Variants in CNTNAP2 observed in about 807,000 individuals in gnomAD.
CNTNAP2 encodes the protein contactin-associated protein-like 2.
In CNTNAP2, 98 loss-of-function variants were observed where a neutral mutation model predicts 155.2. The observed-to-expected ratio is 0.63, with a 90% CI of 0.54 to 0.75. The LOEUF is 0.75. Ranked by LOEUF, CNTNAP2 falls within the 30% of genes least tolerant of loss-of-function variation. The pLI is 0.00. For missense variants in CNTNAP2, 1,727 were observed against 1,688.1 expected, an observed-to-expected ratio of 1.02 and a Z score of -0.40; for synonymous variants, 651 against 631.2, an observed-to-expected ratio of 1.03 and a Z score of -0.47.
chr7:146,516,280 C>A (rs1396776523), intron 1 of CNTNAP2, among the ~76,000 whole-genome samples: 2 of 151,960 alleles, frequency 1.3e-5, no homozygotes, highest in Non-Finnish European at 1.5e-5. Context: ...TGTGTACAAC[C>A]ATTGTAAGAA....
At chr7:147,216,011 T>G (rs570248803) in intron 8 of CNTNAP2, among the ~76,000 whole-genome samples, 1 of 152,282 alleles carries the variant, frequency 6.6e-6, no homozygotes, top group African/African-American at 2.4e-5. Flanking sequence ...TTAAGGGTTT[T>G]GGTCCATTTT....
chr7:146,422,735 C>T (rs1265647948), intron 1 of CNTNAP2, among the ~76,000 whole-genome samples: 4 of 152,060 alleles, frequency 2.6e-5, no homozygotes, highest in African/African-American at 9.7e-5. Flanking sequence ...AATCTGCCTG[C>T]CTTGGAATCC....
chr7:146,244,439 G>T (rs915066413), intron 1 of CNTNAP2, among the ~76,000 whole-genome samples: 22 of 152,080 alleles, frequency 1.4e-4, no homozygotes, highest in African/African-American at 5.1e-4. Context: ...ATGAGACTGG[G>T]GCCTAATAAA....
intron 1 of CNTNAP2, among the ~76,000 whole-genome samples, chr7:146,166,860 G>A (rs1292604525): frequency 3.3e-5 from 5 of 152,180 alleles, no homozygotes; most frequent in Admixed American, 6.5e-5. Flanking sequence ...GGGCTCTGAA[G>A]GCATAAGCCA....
At chr7:147,127,258 C>A (rs1003797106) in intron 6 of CNTNAP2, among the ~76,000 whole-genome samples, 4 of 152,010 alleles carry the variant, frequency 2.6e-5, no homozygotes, top group African/African-American at 9.7e-5. Flanking sequence ...TTTTCTGATT[C>A]TTTGGGATAT....
At chr7:147,355,002 C>T (rs1355995689) in intron 9 of CNTNAP2, among the ~76,000 whole-genome samples, 1 of 152,040 alleles carries the variant, frequency 6.6e-6, no homozygotes, top group Non-Finnish European at 1.5e-5. Flanking sequence ...TGACACTTTT[C>T]TGAAGTTGCT....
intron 1 of CNTNAP2, among the ~76,000 whole-genome samples, chr7:146,642,090 CTT>C (rs142371455): frequency 0.03 from 4,531 of 151,908 alleles, 238 homozygotes; most frequent in African/African-American, 0.1. Flanking sequence ...CTTATCATAA[CTT>C]ATTTAAAAGA....
rs559212909 is a variant in CNTNAP2, at chr7:146,246,312, C to T, written c.97+129339C>T. Reference sequence around the variant, plus strand: ...GCAGCAATGAGATGTAGCTGTAATCCAGGAATAGTCAGGGAAGCAGACAAT... The same window carrying T: ...GCAGCAATGAGATGTAGCTGTAATCTAGGAATAGTCAGGGAAGCAGACAAT... On this transcript the variant is annotated intron_variant, in intron 1 of 23. Transcript: ENST00000361727. Among the ~76,000 whole-genome samples, 94 of 150,630 alleles carry T rather than the reference C, an allele frequency of 6.2e-4. No individual in the cohort carries two copies. In the East Asian group the frequency reaches 7.6e-3, roughly 12 times the overall value.
chr7:148,065,739 C>T (rs1803245116), intron 15 of CNTNAP2, among the ~76,000 whole-genome samples: 1 of 152,162 alleles, frequency 6.6e-6, no homozygotes, highest in Non-Finnish European at 1.5e-5. Flanking sequence ...ATCCATTCTG[C>T]AATTCTGTGT....
intron 13 of CNTNAP2, among the ~76,000 whole-genome samples, chr7:147,815,779 C>T (rs76937485): frequency 0.032 from 4,862 of 152,270 alleles, 130 homozygotes; most frequent in Non-Finnish European, 0.051. Context: ...TTCAAGGGTT[C>T]AATCCACGAA....
At chr7:147,719,363 C>A (rs1796530500) in intron 13 of CNTNAP2, among the ~76,000 whole-genome samples, 1 of 152,078 alleles carries the variant, frequency 6.6e-6, no homozygotes, top group South Asian at 2.1e-4. Flanking sequence ...ACTGATTGAA[C>A]AAATTAAAGG....
intron 3 of CNTNAP2, among the ~76,000 whole-genome samples, chr7:146,937,135 C>G (rs2129224607): frequency 6.6e-6 from 1 of 152,080 alleles, no homozygotes; most frequent in Middle Eastern, 3.4e-3. Context: ...TGCCTGTAAT[C>G]TCAGCACTTT....
intron 1 of CNTNAP2, among the ~76,000 whole-genome samples, chr7:146,327,926 G>A (rs1801123076): frequency 6.6e-6 from 1 of 152,150 alleles, no homozygotes; most frequent in South Asian, 2.1e-4. Context: ...ATCTGTTAGA[G>A]GAAAGATTTT....
chr7:146,633,191 G>A (rs1021068851), intron 1 of CNTNAP2, among the ~76,000 whole-genome samples: 1 of 152,090 alleles, frequency 6.6e-6, no homozygotes, highest in Non-Finnish European at 1.5e-5. Flanking sequence ...TTTCAGACTA[G>A]ATGGATTTCT....
At chr7:147,531,360 T>G (rs111606623) in intron 11 of CNTNAP2, among the ~76,000 whole-genome samples, 1 of 152,148 alleles carries the variant, frequency 6.6e-6, no homozygotes, top group Non-Finnish European at 1.5e-5. Flanking sequence ...GAGGGCCCCA[T>G]CCCTGCAGCA....
chr7:147,260,931 C>G (rs1345019556), intron 8 of CNTNAP2, among the ~76,000 whole-genome samples: 1 of 152,164 alleles, frequency 6.6e-6, no homozygotes, highest in African/African-American at 2.4e-5. Flanking sequence ...GAAGCTCCAA[C>G]AATCAGCGTT....
At chr7:147,667,819 ATAAAAT>A (rs766389618) in intron 13 of CNTNAP2, among the ~76,000 whole-genome samples, 2,433 of 150,414 alleles carry the variant, frequency 0.016, 51 homozygotes, top group Middle Eastern at 0.043. Flanking sequence ...AATAAAAAAA[ATAAAAT>A]AAAAAAATAA....
At chr7:147,756,959 G>C (rs2116512462) in intron 13 of CNTNAP2, among the ~76,000 whole-genome samples, 1 of 152,332 alleles carries the variant, frequency 6.6e-6, no homozygotes, top group East Asian at 1.9e-4. Flanking sequence ...GAGGGAGGAA[G>C]ATGATTATTT....
At chr7:147,716,340 G>A (rs928325321) in intron 13 of CNTNAP2, among the ~76,000 whole-genome samples, 1 of 152,098 alleles carries the variant, frequency 6.6e-6, no homozygotes, top group East Asian at 1.9e-4. Flanking sequence ...AACGGTTCTG[G>A]AAAAATGGGT....
Sources: gnomAD v4.1 joint callset for allele counts (sites outside exome capture counted in the v4.1 genomes callset) on GRCh38, gnomAD v4.1.1 for gene constraint, MANE v1.5 for transcripts, NCBI Gene and HGNC (gene_info 2026-07-23, HGNC 2026-07-21) for gene names.